CCDC171: variants seen among roughly 807,000 people sequenced by gnomAD.
The protein encoded by CCDC171 is coiled-coil domain containing 171, also known as coiled-coil domain-containing protein 171.
A neutral mutation model predicts 168.2 loss-of-function variants in CCDC171; 177 were observed. The observed-to-expected ratio is 1.05, with a 90% CI of 0.93 to 1.19. The LOEUF is 1.19. CCDC171 is among the 50% of genes most tolerant of loss of function. The pLI is 0.00. For missense variants in CCDC171, 1,991 were observed against 1,539.0 expected, an observed-to-expected ratio of 1.29 and a Z score of -4.91; for synonymous variants, 687 against 540.8, an observed-to-expected ratio of 1.27 and a Z score of -3.75.
Position 15,950,114 on chromosome 9 carries a change from A to G in CCDC171, c.3754-21495A>G, listed in dbSNP as rs1010983209. Reference sequence around the variant, plus strand: ...GAAATGAGCAAAGCCTCCAAGAAATATGGGACTATGTGAAAAGACCAAATC... The same window carrying G: ...GAAATGAGCAAAGCCTCCAAGAAATGTGGGACTATGTGAAAAGACCAAATC... On this transcript the variant is annotated intron_variant, in intron 25 of 25. Coordinates refer to ENST00000380701, the MANE Select transcript of CCDC171 (RefSeq NM_173550.4). 2.0e-5 allele frequency among the ~76,000 whole-genome samples: 3 copies of G among 152,178 alleles called. No individual in the cohort carries two copies. The East Asian group carries it at 5.8e-4, about 29-fold the overall frequency.
rs571843683 is a variant in CCDC171 at position 15,586,056 on chromosome 9, A to T, written c.353-5310A>T. 7.9e-5 allele frequency among the ~76,000 whole-genome samples: 12 copies of T among 152,324 alleles called. No homozygotes were observed. The South Asian group carries it at 8.3e-4, about 11-fold the overall frequency. Reference sequence around the variant, plus strand: ...CTAGATGTACATTTTATCTGTAAAAAAATAAAACTATATTACATTCTAATT... The same window carrying T: ...CTAGATGTACATTTTATCTGTAAAATAATAAAACTATATTACATTCTAATT... On this transcript the variant is annotated intron_variant, in intron 4 of 25. Transcript: ENST00000380701.
chr9:15,740,114 T>C (rs2054763486), intron 16 of CCDC171, among the ~76,000 whole-genome samples: 1 of 152,232 alleles, frequency 6.6e-6, no homozygotes, highest in African/African-American at 2.4e-5. Flanking sequence ...AACAATCCTA[T>C]CTTTATAACA....
intron 1 of CCDC171, among the ~76,000 whole-genome samples, chr9:16,050,748 T>C (rs1833738343): frequency 6.6e-6 from 1 of 152,260 alleles, no homozygotes; most frequent in African/African-American, 2.4e-5. Context: ...CTTTTGTATA[T>C]CTGCGTTTGT....
chr9:15,661,575 C>G (rs981662952), intron 8 of CCDC171, among the ~76,000 whole-genome samples: 10 of 152,150 alleles, frequency 6.6e-5, no homozygotes, highest in Admixed American at 6.5e-5. Flanking sequence ...TGAGGTACAT[C>G]TACTACCTTT....
In CCDC171 at chr9:16,009,189, C is replaced by G. The variant is rs188016904; in HGVS notation, n.369-11400C>G. ...ATGGAATGGGTTTTACTTTGTAGAA[C>G]TAAGAAGCTCACAAAAATGTCCTTT... On this transcript the variant is annotated intron_variant and non_coding_transcript_variant, in intron 3 of 9. Coordinates refer to the CCDC171 transcript ENST00000486641. Among the ~76,000 whole-genome samples the G allele has an allele frequency of 1.7e-3, 252 of 152,200 alleles. 1 individual carries two copies. Among genetic ancestry groups the G allele is most frequent in the African/African-American group, 5.8e-3 (242 of 41,546 alleles).
At chr9:15,923,879 T>C (rs1231733392) in intron 25 of CCDC171, among the ~76,000 whole-genome samples, 1 of 151,318 alleles carries the variant, frequency 6.6e-6, no homozygotes, top group African/African-American at 2.4e-5. Context: ...TCTCTACTAC[T>C]CCCTCATTGT....
chr9:15,864,678 G>C (rs1156891784), intron 23 of CCDC171, among the ~76,000 whole-genome samples: 1 of 152,086 alleles, frequency 6.6e-6, no homozygotes, highest in Non-Finnish European at 1.5e-5. Context: ...TTTCAGGATA[G>C]GATAATGCCT....
chr9:15,723,259 T>A (rs2053601193), intron 12 of CCDC171, among the ~76,000 whole-genome samples: 1 of 152,188 alleles, frequency 6.6e-6, no homozygotes, highest in African/African-American at 2.4e-5. Flanking sequence ...GAGAGACCAG[T>A]GAATATCCTC....
chr9:15,599,945 A>G (rs573718309), intron 6 of CCDC171, among the ~76,000 whole-genome samples: 1 of 152,278 alleles, frequency 6.6e-6, no homozygotes, highest in South Asian at 2.1e-4. Context: ...CGAATCGGCT[A>G]CTGAAGCTTG....
chr9:15,794,190 C>A (rs1393430524), intron 21 of CCDC171, among the ~76,000 whole-genome samples: 1 of 152,112 alleles, frequency 6.6e-6, no homozygotes, highest in Non-Finnish European at 1.5e-5. Context: ...ATGGACCGGG[C>A]ATAGTGGCTC....
At chr9:15,700,357 GC>G (rs1469782669) in intron 11 of CCDC171, among the ~76,000 whole-genome samples, 1 of 152,212 alleles carries the variant, frequency 6.6e-6, no homozygotes, top group Non-Finnish European at 1.5e-5. Context: ...CCAAGCCCAC[GC>G]CCACCCGGAA....
chr9:16,034,710 T>G (rs1833431493), intron 6 of CCDC171, among the ~76,000 whole-genome samples: 1 of 152,160 alleles, frequency 6.6e-6, no homozygotes, highest in Non-Finnish European at 1.5e-5. Flanking sequence ...ACAGGTGGCT[T>G]TAGTTTTTTG....
intron 23 of CCDC171, among the ~76,000 whole-genome samples, chr9:15,859,401 T>A (rs1172788034): frequency 2.0e-5 from 3 of 151,970 alleles, no homozygotes; most frequent in African/African-American, 7.2e-5. Flanking sequence ...GCTGGTCTCA[T>A]AAAATATATT....
chr9:15,590,791 T>TTCTC (rs2041938098), intron 4 of CCDC171, among the ~76,000 whole-genome samples: 2 of 143,608 alleles, frequency 1.4e-5, no homozygotes. Flanking sequence ...CTTTCTTTCT[T>TTCTC]TCTTTCTTTC....
chr9:15,912,785 A>G (rs934348626), intron 24 of CCDC171, among the ~76,000 whole-genome samples: 2 of 152,148 alleles, frequency 1.3e-5, no homozygotes, highest in Non-Finnish European at 2.9e-5. Flanking sequence ...TTCTGCATCT[A>G]TTGAGATAAT....
chr9:15,628,846 G>C (rs1237918277), intron 7 of CCDC171, among the ~76,000 whole-genome samples: 3 of 152,148 alleles, frequency 2.0e-5, no homozygotes, highest in East Asian at 3.9e-4. Flanking sequence ...CCAGAGGAAC[G>C]ATCAGACAGC....
chr9:15,672,930 A>G (rs1564183686), intron 9 of CCDC171, among the ~76,000 whole-genome samples: 1 of 152,222 alleles, frequency 6.6e-6, no homozygotes, highest in Non-Finnish European at 1.5e-5. Flanking sequence ...CATTGAATCT[A>G]TAAATTACCT....
At chr9:16,095,628 A>G in the CCDC171 span, among the ~76,000 whole-genome samples, 1 of 151,852 alleles carries the variant, frequency 6.6e-6, no homozygotes, top group Non-Finnish European at 1.5e-5. Context: ...TAAATCACCT[A>G]TTTCCCCATA....
Position 15,724,924 on chromosome 9 carries a change from A to G in CCDC171, c.1640A>G (p.Gln547Arg). Residue 547 changes from glutamine to arginine, a missense_variant, in exon 14 of 26, where the codon CAG becomes CGG. Gln to Arg is a conservative substitution (Grantham distance 43). Coordinates refer to ENST00000380701, the MANE Select transcript of CCDC171 (RefSeq NM_173550.4). Reference sequence around the variant, plus strand: ...GAGAAAGAAAAGGCTCAGGCAGCCCAGTCTGAAAGTGAACTGCAGAAGCTT... The same window carrying G: ...GAGAAAGAAAAGGCTCAGGCAGCCCGGTCTGAAAGTGAACTGCAGAAGCTT... ...CWEKEKAQAA[Q>R]SESELQKLSQ... The G allele has an allele frequency of 1.2e-6, 2 of 1,614,010 alleles. No individual in the cohort carries two copies. The highest frequency in any genetic ancestry group is 1.7e-6 in the Non-Finnish European group (2 of 1,179,894).
Sources: allele counts gnomAD v4.1 joint callset (sites outside exome capture counted in the v4.1 genomes callset), GRCh38; gene constraint gnomAD v4.1.1; transcripts MANE v1.5; gene names NCBI Gene and HGNC (gene_info 2026-07-23, HGNC 2026-07-21).